MTA3: variants seen among roughly 807,000 people sequenced by gnomAD.
MTA3 encodes the protein metastasis-associated protein MTA3.
In MTA3, 34 loss-of-function variants were observed where a neutral mutation model predicts 83.5. The observed-to-expected ratio is 0.41, with a 90% CI of 0.31 to 0.54. The LOEUF (loss-of-function observed/expected upper bound fraction) is 0.54, where lower values mean the gene tolerates loss of function less well. Among genes scored for constraint, MTA3 ranks in the 20% least tolerant of loss-of-function variants. The pLI, the probability that MTA3 is intolerant of heterozygous loss-of-function variation, is 0.33. For synonymous variants in MTA3, 303 were observed against 252.7 expected, an observed-to-expected ratio of 1.20 and a Z score of -1.89; for missense variants, 761 against 726.4, an observed-to-expected ratio of 1.05 and a Z score of -0.55.
chr2:42,641,290 T>C (rs1573434740), intron 5 of MTA3, among the ~76,000 whole-genome samples: 1 of 151,678 alleles, frequency 6.6e-6, no homozygotes, highest in Non-Finnish European at 1.5e-5. Flanking sequence ...AGAAAAAGTT[T>C]GATACAATCA....
intron 6 of MTA3, among the ~76,000 whole-genome samples, chr2:42,648,006 A>G (rs1688376290): frequency 6.6e-6 from 1 of 152,058 alleles, no homozygotes; most frequent in African/African-American, 2.4e-5. Context: ...ACACCCAGCT[A>G]ACTTTTGTAT....
chr2:42,698,888 G>A (rs576947314), intron 11 of MTA3, among the ~76,000 whole-genome samples: 19 of 152,146 alleles, frequency 1.2e-4, no homozygotes, highest in Non-Finnish European at 2.5e-4. Context: ...CATCTGCAGA[G>A]TGGTTTCTAA....
At chr2:42,749,984 A>G (rs1329208792) in intron 16 of MTA3, among the ~76,000 whole-genome samples, 1 of 151,494 alleles carries the variant, frequency 6.6e-6, no homozygotes, top group East Asian at 1.9e-4. Flanking sequence ...GTGGCTTTTT[A>G]TTTTTATTTT....
At chr2:42,520,411 G>C (rs910639272) in intron 2 of MTA3, among the ~76,000 whole-genome samples, 1 of 152,108 alleles carries the variant, frequency 6.6e-6, no homozygotes, top group South Asian at 2.1e-4. Context: ...ACCTGCTTCA[G>C]TTGTGCCCAG....
intron 4 of MTA3, among the ~76,000 whole-genome samples, chr2:42,627,811 C>G (rs1490610112): frequency 6.8e-6 from 1 of 146,144 alleles, no homozygotes; most frequent in African/African-American, 2.6e-5. Context: ...CTCCTGACCT[C>G]TAATGATCTG....
intron 2 of MTA3, among the ~76,000 whole-genome samples, chr2:42,541,350 T>C (rs1676510311): frequency 6.6e-6 from 1 of 152,180 alleles, no homozygotes. Context: ...AATTTTGGTC[T>C]TTTCCCAGGC....
At chr2:42,507,824 C>T (rs1375492958) in intron 2 of MTA3, among the ~76,000 whole-genome samples, 2 of 151,382 alleles carry the variant, frequency 1.3e-5, no homozygotes, top group African/African-American at 2.4e-5. Flanking sequence ...CCACCTACTC[C>T]AGAGGCTGAG....
chr2:42,560,378 G>A (rs1346000764), intron 2 of MTA3, among the ~76,000 whole-genome samples: 1 of 151,684 alleles, frequency 6.6e-6, no homozygotes, highest in Admixed American at 6.6e-5. Context: ...GGTTGGTGGT[G>A]GACGCCTATA....
intron 2 of MTA3, among the ~76,000 whole-genome samples, chr2:42,526,153 C>G (rs1470286597): frequency 6.6e-6 from 1 of 152,132 alleles, no homozygotes; most frequent in Non-Finnish European, 1.5e-5. Context: ...GTCCCATCAC[C>G]CAGATAAAGC....
At chr2:42,627,402 A>T (rs2104232990) in intron 4 of MTA3, among the ~76,000 whole-genome samples, 1 of 152,272 alleles carries the variant, frequency 6.6e-6, no homozygotes, top group South Asian at 2.1e-4. Flanking sequence ...TATTAGGGAA[A>T]ACCAGCAATG....
chr2:42,518,990 CACACACACACACACACA>C (rs2103688382), intron 2 of MTA3, among the ~76,000 whole-genome samples: 1 of 127,694 alleles, frequency 7.8e-6, no homozygotes, highest in Admixed American at 8.3e-5. Flanking sequence ...CACACACACA[CACACACACACACACACA>C]CACACACACA....
chr2:42,598,928 G>C (rs759189301), intron 3 of MTA3, among the ~76,000 whole-genome samples: 4 of 152,172 alleles, frequency 2.6e-5, no homozygotes, highest in Admixed American at 6.5e-5. Flanking sequence ...TGTGCTAGTG[G>C]CATGCATTTT....
At chr2:42,745,911 T>G (rs1249505019) in intron 16 of MTA3, among the ~76,000 whole-genome samples, 2 of 147,998 alleles carry the variant, frequency 1.4e-5, no homozygotes, top group Admixed American at 1.4e-4. Context: ...ACTCCCTGGT[T>G]CAAGCGATTC....
intron 2 of MTA3, among the ~76,000 whole-genome samples, chr2:42,560,443 C>T (rs1290815969): frequency 6.6e-6 from 1 of 151,666 alleles, no homozygotes; most frequent in Non-Finnish European, 1.5e-5. Context: ...GAGTTCAAGA[C>T]CAGCCTGGCC....
chr2:42,517,391 G>T (rs1239392773), intron 2 of MTA3, among the ~76,000 whole-genome samples: 3 of 151,886 alleles, frequency 2.0e-5, no homozygotes, highest in Admixed American at 2.0e-4. Context: ...GGCCAACATG[G>T]TGAAACCTCA....
Position 42,517,864 on chromosome 2 carries a change from C to CA in MTA3, c.-141+22627dup, listed in dbSNP as rs386390061. 3.9e-3 allele frequency among the ~76,000 whole-genome samples: 374 copies of CA among 95,178 alleles called. 9 individuals carry two copies. The highest frequency in any genetic ancestry group is 9.5e-3 in the African/African-American group (238 of 25,096). The allele number at this position is 95,178 out of a possible 152,430, so 62.4% of individuals were successfully genotyped here. On this transcript the variant is annotated intron_variant, in intron 2 of 17. Coordinates refer to the MTA3 transcript ENST00000405592. ...ACTGCACTCCAGTGAGACTCTGTCT[C>CA]AAAAAAAAAAAAAAAAAGAAGAAAA...
chr2:42,706,875 G>C (rs962962750), intron 12 of MTA3, among the ~76,000 whole-genome samples: 4 of 152,170 alleles, frequency 2.6e-5, no homozygotes, highest in African/African-American at 9.7e-5. Flanking sequence ...TGTAAATGGA[G>C]ATTTTAAAAT....
intron 2 of MTA3, among the ~76,000 whole-genome samples, chr2:42,552,548 G>C (rs1349923658): frequency 6.6e-6 from 1 of 151,392 alleles, no homozygotes; most frequent in Non-Finnish European, 1.5e-5. Context: ...CTTGAGCCCA[G>C]GAGTTTGAGG....
intron 13 of MTA3, 148 bp from the exon 14 acceptor site, chr2:42,708,726 C>T (rs1666327825): frequency 4.9e-6 from 4 of 810,908 alleles, no homozygotes; most frequent in East Asian, 4.9e-5. Flanking sequence ...CACTTTAATT[C>T]TCTCTTTTAG....
Sources: allele counts gnomAD v4.1 joint callset (sites outside exome capture counted in the v4.1 genomes callset), GRCh38; gene constraint gnomAD v4.1.1; transcripts MANE v1.5; gene names NCBI Gene and HGNC (gene_info 2026-07-23, HGNC 2026-07-21).